Variants in SEL1L3 observed in about 807,000 individuals in gnomAD.
SEL1L3 encodes the protein SEL1L family member 3.
A neutral mutation model predicts 142.8 loss-of-function variants in SEL1L3; 76 were observed. That is an observed-to-expected ratio of 0.53 (90% confidence interval 0.44 to 0.64). The LOEUF (loss-of-function observed/expected upper bound fraction) is 0.64. Ranked by LOEUF, SEL1L3 falls within the 30% of genes least tolerant of loss-of-function variation. The pLI is 0.00. For missense variants in SEL1L3, 1,262 were observed against 1,381.7 expected, an observed-to-expected ratio of 0.91 and a Z score of 1.37; for synonymous variants, 504 against 519.6, an observed-to-expected ratio of 0.97 and a Z score of 0.41.
Position 25,847,608 on chromosome 4 carries a change from G to A in SEL1L3, c.419C>T (p.Thr140Ile). Residue 140 changes from threonine (T) to isoleucine (I), a missense_variant, in exon 2 of 24, where the codon ACC becomes ATC. Physicochemically the swap from Thr to Ile is moderately conservative, Grantham distance 89 (BLOSUM62 -1). Transcript: ENST00000399878. Reference sequence around the variant, plus strand: ...CACATGTACTATTTGTGTCCTGCTGGTGTGAAGATGTTTCTCATTCTTCCA... The same window carrying A: ...CACATGTACTATTTGTGTCCTGCTGATGTGAAGATGTTTCTCATTCTTCCA... ...KRWKNEKHLHTSRTQIVHVKF... is the reference protein window; with the variant it reads ...KRWKNEKHLHISRTQIVHVKF... 4 of 1,613,908 alleles carry A rather than the reference G, an allele frequency of 2.5e-6. No homozygotes were observed. Among genetic ancestry groups the A allele is most frequent in the Non-Finnish European group, 3.4e-6 (4 of 1,179,854 alleles).
chr4:25,766,269 C>T (rs1718720461), intron 19 of SEL1L3, among the ~76,000 whole-genome samples: 1 of 151,762 alleles, frequency 6.6e-6, no homozygotes, highest in African/African-American at 2.4e-5. Context: ...TGAAATCCCA[C>T]CTCTACTAAA....
At chr4:25,792,017 C>A (rs1712371615) in intron 11 of SEL1L3, among the ~76,000 whole-genome samples, 1 of 151,792 alleles carries the variant, frequency 6.6e-6, no homozygotes, top group Non-Finnish European at 1.5e-5. Flanking sequence ...AGCCAGGGGT[C>A]CTTTCCAGGG....
chr4:25,725,299 C>T, the SEL1L3 span, among the ~76,000 whole-genome samples: 1 of 150,758 alleles, frequency 6.6e-6, no homozygotes, highest in Non-Finnish European at 1.5e-5. Flanking sequence ...AGCCCAAGGT[C>T]CCAAGGACTG....
At chr4:25,841,345 A>G (rs1411053615) in intron 2 of SEL1L3, among the ~76,000 whole-genome samples, 2 of 152,048 alleles carry the variant, frequency 1.3e-5, no homozygotes, top group East Asian at 1.9e-4. Context: ...CTCCTTTTTG[A>G]TCCATGAAAA....
At chr4:25,721,413 A>G in the SEL1L3 span, among the ~76,000 whole-genome samples, 1 of 151,754 alleles carries the variant, frequency 6.6e-6, no homozygotes, top group African/African-American at 2.4e-5. Flanking sequence ...TTTTCATGTA[A>G]TCTGCCAGGA....
At chr4:25,833,671 T>C (rs2109285319) in intron 3 of SEL1L3, 102 bp from the exon 4 acceptor site, 1 of 1,058,828 alleles carries the variant, frequency 9.4e-7, no homozygotes, top group Non-Finnish European at 1.3e-6. Flanking sequence ...TTCCAATGAA[T>C]GGATGAATTT....
In SEL1L3 at chr4:25,747,852, G is replaced by A. The variant is rs1717339651; in HGVS notation, c.*573C>T. ...CCTAGAAAAATTCAAGGAGAAAAAT[G>A]TAAACCAATTTACAAAGCTATTGCC... On this transcript the variant is annotated 3_prime_UTR_variant, in exon 24 of 24. Coordinates refer to ENST00000399878, the MANE Select transcript of SEL1L3 (RefSeq NM_015187.5). 6.5e-6 allele frequency: 1 copy of A among 152,722 alleles called. No homozygotes were observed. Among genetic ancestry groups the A allele is most frequent in the Non-Finnish European group, 1.5e-5 (1 of 68,126 alleles). The allele number at this position is 152,722 out of a possible 1,614,324, so 9.5% of individuals were successfully genotyped here.
chr4:25,847,485 T>C lies in SEL1L3; in HGVS notation c.542A>G (p.Tyr181Cys), dbSNP rs750615676. 2.5e-6 allele frequency: 4 copies of C among 1,614,024 alleles called. No homozygotes were observed. The South Asian group carries it at 3.3e-5, about 13-fold the overall frequency. Residue 181 changes from tyrosine (Y) to cysteine (C), a missense_variant, in exon 2 of 24, where the codon TAC becomes TGC. Physicochemically the swap from Tyr to Cys is radical, Grantham distance 194. Transcript: ENST00000399878. ...TTTAACATTCCAGTCTCTGCCACTG[T>C]ATTTGTGAGTAATCCAGGCGCGTAC... ...VIVRAWITHK[Y>C]SGRDWNVKWE...
the SEL1L3 span, among the ~76,000 whole-genome samples, chr4:25,735,892 C>T: frequency 8.1e-5 from 12 of 148,344 alleles, no homozygotes; most frequent in East Asian, 4.0e-4. Flanking sequence ...TGCAGTGACC[C>T]GATCTCAGCT....
chr4:25,716,525 C>T, the SEL1L3 span, among the ~76,000 whole-genome samples: 1 of 152,090 alleles, frequency 6.6e-6, no homozygotes, highest in African/African-American at 2.4e-5. Flanking sequence ...ACTTCTAGAA[C>T]ATTTGCTTTA....
chr4:25,847,902 T>C (rs1716644105), intron 1 of SEL1L3, 38 bp from the exon 2 acceptor site: 2 of 1,270,928 alleles, frequency 1.6e-6, no homozygotes, highest in Non-Finnish European at 2.2e-6. Context: ...ATACAGAAAG[T>C]TTAAAAATCC....
chr4:25,723,331 A>C, the SEL1L3 span, among the ~76,000 whole-genome samples: 1 of 152,220 alleles, frequency 6.6e-6, no homozygotes, highest in Non-Finnish European at 1.5e-5. Context: ...TGCTGTATAC[A>C]CTGGACCTAC....
chr4:25,824,920 C>T (rs1714995274), intron 6 of SEL1L3, among the ~76,000 whole-genome samples: 2 of 151,930 alleles, frequency 1.3e-5, no homozygotes, highest in Non-Finnish European at 2.9e-5. Context: ...GGCTTTTGGG[C>T]TCTGATTATT....
At chr4:25,808,621 GA>G (rs1423244471) in intron 9 of SEL1L3, among the ~76,000 whole-genome samples, 1 of 151,800 alleles carries the variant, frequency 6.6e-6, no homozygotes, top group African/African-American at 2.4e-5. Flanking sequence ...TTTGAAAGGG[GA>G]AAAAAAGGAA....
At chr4:25,825,281 C>T (rs561777359) in intron 6 of SEL1L3, among the ~76,000 whole-genome samples, 2 of 151,976 alleles carry the variant, frequency 1.3e-5, no homozygotes, top group East Asian at 1.9e-4. Context: ...ATTTTTCTCC[C>T]GCAAAATTCT....
chr4:25,735,826 CTTTT>C, the SEL1L3 span, among the ~76,000 whole-genome samples: 2 of 101,582 alleles, frequency 2.0e-5, no homozygotes, highest in South Asian at 6.8e-4. Context: ...TCTAACTATT[CTTTT>C]TTTTTTTTTT....
chr4:25,786,156 G>A (rs1409595682), intron 13 of SEL1L3, among the ~76,000 whole-genome samples: 1 of 152,122 alleles, frequency 6.6e-6, no homozygotes, highest in East Asian at 1.9e-4. Flanking sequence ...AGATAAGATG[G>A]ACTCAACTAC....
At chr4:25,814,659 A>ATT (rs1481115541) in intron 9 of SEL1L3, among the ~76,000 whole-genome samples, 2 of 149,626 alleles carry the variant, frequency 1.3e-5, no homozygotes, top group African/African-American at 5.1e-5. Flanking sequence ...AAGAACTTGG[A>ATT]ACGAAGGGTA....
chr4:25,833,466 C>T lies in SEL1L3; in HGVS notation c.964G>A (p.Val322Ile), dbSNP rs1248865652. Residue 322 changes from valine to isoleucine, a missense_variant, in exon 4 of 24, where the codon GTA (valine) becomes ATA (isoleucine). Physicochemically the swap from Val to Ile is conservative, Grantham distance 29. Coordinates refer to ENST00000399878, the MANE Select transcript of SEL1L3 (RefSeq NM_015187.5). ...DSNEMYGTPSVFLTEEGYLHI... is the reference protein window; with the variant it reads ...DSNEMYGTPSIFLTEEGYLHI... ...TACTCACCCTCTTCCGTAAGAAATA[C>T]AGAAGGTGTGCCGTACATCTCATTA... 1.9e-6 allele frequency: 3 copies of T among 1,612,300 alleles called. No individual in the cohort carries two copies. Among genetic ancestry groups the T allele is most frequent in the Non-Finnish European group, 2.5e-6 (3 of 1,179,138 alleles).
Sources: allele counts gnomAD v4.1 joint callset (sites outside exome capture counted in the v4.1 genomes callset), GRCh38; gene constraint gnomAD v4.1.1; transcripts MANE v1.5; gene names NCBI Gene and HGNC (gene_info 2026-07-23, HGNC 2026-07-21).